The following FBXO10 variants were observed in gnomAD, a reference collection of about 807,000 sequenced individuals.
FBXO10 encodes the protein F-box protein 10.
In FBXO10, 39 loss-of-function variants were observed where a neutral mutation model predicts 80.7. The ratio of observed to expected loss-of-function variants is 0.48; its 90% confidence interval spans 0.37 to 0.63. FBXO10 has a LOEUF of 0.63. Among genes scored for constraint, FBXO10 ranks in the 30% least tolerant of loss-of-function variants. The pLI is 0.00. For missense variants in FBXO10, 1,025 were observed against 1,269.0 expected (o/e 0.81, Z 2.92); for synonymous variants, 449 against 489.6 (o/e 0.92, Z 1.09).
chr9:37,537,998 T>G (rs1821820026), intron 2 of FBXO10, 55 bp from the exon 3 acceptor site: 2 of 1,389,478 alleles, frequency 1.4e-6, no homozygotes, highest in Non-Finnish European at 2.0e-6. Flanking sequence ...GGTTTTGGAC[T>G]CTAGCTGCCC....
intron 10 of FBXO10, among the ~76,000 whole-genome samples, chr9:37,513,052 A>T (rs1378118362): frequency 6.6e-6 from 1 of 152,092 alleles, no homozygotes; most frequent in African/African-American, 2.4e-5. Context: ...TGCAGCCTCA[A>T]CCTCCTGGGC....
intron 5 of FBXO10, among the ~76,000 whole-genome samples, chr9:37,527,812 C>T (rs899899178): frequency 2.0e-5 from 3 of 152,182 alleles, no homozygotes; most frequent in African/African-American, 4.8e-5. Flanking sequence ...AATACACACT[C>T]TTCTGTTCAG....
intron 2 of FBXO10, 50 bp downstream of exon 2, chr9:37,541,134 A>T: frequency 2.0e-6 from 3 of 1,480,248 alleles, no homozygotes; most frequent in Non-Finnish European, 2.7e-6. Context: ...AAAGAGGGCA[A>T]GCCTCTGGGG....
intron 1 of FBXO10, among the ~76,000 whole-genome samples, chr9:37,560,209 A>C (rs1365369820): frequency 6.6e-6 from 1 of 152,220 alleles, no homozygotes; most frequent in African/African-American, 2.4e-5. Context: ...TGGAACAGTG[A>C]GGGCAGGAAC....
chr9:37,522,725 T>C, intron 7 of FBXO10, 100 bp downstream of exon 7: 4 of 1,386,992 alleles, frequency 2.9e-6, no homozygotes, highest in Non-Finnish European at 3.9e-6. Context: ...ATGAGGTCTT[T>C]GAGGCACAGG....
chr9:37,542,040 G>C (rs1202454851), intron 1 of FBXO10, among the ~76,000 whole-genome samples: 3 of 151,734 alleles, frequency 2.0e-5, no homozygotes, highest in Non-Finnish European at 4.4e-5. Context: ...TGTTGGTCAG[G>C]CTGGTCTCAA....
At chr9:37,538,885 G>C (rs1019286944) in intron 2 of FBXO10, among the ~76,000 whole-genome samples, 1 of 152,086 alleles carries the variant, frequency 6.6e-6, no homozygotes, top group Non-Finnish European at 1.5e-5. Flanking sequence ...TTATCATCTG[G>C]GGTCAGGGAC....
Position 37,546,970 on chromosome 9 carries a change from C to T in FBXO10, c.-6-5196G>A, listed in dbSNP as rs145087992. ...TGCTGGGATTACAGGCATGAGCCAC[C>T]GCACCTGGCCTTAGAATCACTTTAG... On this transcript the variant is annotated intron_variant, in intron 1 of 10. Coordinates refer to ENST00000432825, the MANE Select transcript of FBXO10 (RefSeq NM_012166.3). Among the ~76,000 whole-genome samples, 1,509 of 152,222 alleles carry T rather than the reference C, an allele frequency of 9.9e-3. 28 individuals are homozygous for T. Among genetic ancestry groups the T allele is most frequent in the African/African-American group, 0.034 (1,431 of 41,532 alleles).
In FBXO10 at chr9:37,532,014, G is replaced by A; in HGVS notation, c.1464C>T (p.Gly488=). Reference sequence around the variant, plus strand: ...CACCGCCCTCCAAGCGAAGAAAGATGCCTGACGCTCGGCAGCGGTAAATGT... The same window carrying A: ...CACCGCCCTCCAAGCGAAGAAAGATACCTGACGCTCGGCAGCGGTAAATGT... ...RNDIYRCRAS[G]IFLRLEGGGL... The change falls in exon 4 of 11, where the codon GGC becomes GGT. Residue 488 remains glycine (G), a synonymous_variant. Coordinates refer to ENST00000432825, the MANE Select transcript of FBXO10 (RefSeq NM_012166.3). 6.2e-7 allele frequency: 1 copy of A among 1,613,958 alleles called. No homozygotes were observed. The highest frequency in any genetic ancestry group is 8.5e-7 in the Non-Finnish European group (1 of 1,179,846).
chr9:37,522,229 CCTCT>C (rs1328697227), intron 7 of FBXO10: 1 of 558,392 alleles, frequency 1.8e-6, no homozygotes, highest in Non-Finnish European at 2.3e-6. Flanking sequence ...GGTTACCAGA[CCTCT>C]CTCTGTCCCT....
At position 37,512,737 on chromosome 9, in the gene FBXO10, G is replaced by A. The variant is rs10973387; in HGVS notation, c.2697-16C>T. ...CGTATCAGACCTGGAGGTGCAAAACGAAAGTCAGTGAACTTCTGAGGGGTG... is the reference window on the plus strand; with the variant it reads ...CGTATCAGACCTGGAGGTGCAAAACAAAAGTCAGTGAACTTCTGAGGGGTG... On this transcript the variant is annotated splice_polypyrimidine_tract_variant and intron_variant, in intron 10 of 10. Coordinates refer to ENST00000432825, the MANE Select transcript of FBXO10 (RefSeq NM_012166.3). The A allele has an allele frequency of 0.33, 524,455 of 1,607,458 alleles. 87,230 individuals are homozygous for A. Among genetic ancestry groups the A allele is most frequent in the Admixed American group, 0.41 (24,408 of 59,684 alleles).
Position 37,512,531 on chromosome 9 carries a change from A to C in FBXO10, c.*16T>G. 1 of 1,607,758 alleles carries C rather than the reference A, an allele frequency of 6.2e-7. No individual in the cohort carries two copies. Among genetic ancestry groups the C allele is most frequent in the Non-Finnish European group, 8.5e-7 (1 of 1,175,176 alleles). ...GAGCACCCATCCAGGCTTGGCCCTGAAGCAGGTCTGTGTCCTCACAGGATG... is the reference window on the plus strand; with the variant it reads ...GAGCACCCATCCAGGCTTGGCCCTGCAGCAGGTCTGTGTCCTCACAGGATG... On this transcript the variant is annotated 3_prime_UTR_variant, in exon 11 of 11. Transcript: ENST00000432825.
At chr9:37,568,801 A>C (rs1361527078) in intron 1 of FBXO10, among the ~76,000 whole-genome samples, 1 of 152,208 alleles carries the variant, frequency 6.6e-6, no homozygotes, top group Non-Finnish European at 1.5e-5. Flanking sequence ...AAGAGCAAGG[A>C]TATTCACCAC....
intron 1 of FBXO10, among the ~76,000 whole-genome samples, chr9:37,556,335 G>C (rs538139819): frequency 6.6e-6 from 1 of 151,418 alleles, no homozygotes; most frequent in South Asian, 2.1e-4. Context: ...AAGTTTTATA[G>C]TTTACACTGT....
intron 8 of FBXO10, among the ~76,000 whole-genome samples, chr9:37,521,300 C>T (rs1821339215): frequency 6.8e-6 from 1 of 147,724 alleles, no homozygotes; most frequent in Non-Finnish European, 1.5e-5. Context: ...CTCCCTGGCC[C>T]CCACGCTGTC....
chr9:37,542,412 A>G (rs1261359413), intron 1 of FBXO10, among the ~76,000 whole-genome samples: 1 of 151,624 alleles, frequency 6.6e-6, no homozygotes, highest in Admixed American at 6.6e-5. Flanking sequence ...CCTGACCAAC[A>G]TGGAGAAACC....
chr9:37,531,660 TG>T (rs1821626018), intron 4 of FBXO10, among the ~76,000 whole-genome samples: 1 of 152,136 alleles, frequency 6.6e-6, no homozygotes, highest in South Asian at 2.1e-4. Flanking sequence ...CTGAGGGCCC[TG>T]TGAGGTTTCC....
At chr9:37,546,124 C>A (rs1052330857) in intron 1 of FBXO10, among the ~76,000 whole-genome samples, 4 of 150,538 alleles carry the variant, frequency 2.7e-5, no homozygotes, top group African/African-American at 9.8e-5. Flanking sequence ...CCAGCCAGAA[C>A]AAGAGCAAAA....
At chr9:37,512,836 G>T in intron 10 of FBXO10, 115 bp from the exon 11 acceptor site, 2 of 1,090,362 alleles carry the variant, frequency 1.8e-6, no homozygotes, top group Non-Finnish European at 2.6e-6. Context: ...TTTAAATCTG[G>T]GTGTAGGTTT....
Sources: gnomAD v4.1 joint callset for allele counts (sites outside exome capture counted in the v4.1 genomes callset) on GRCh38, gnomAD v4.1.1 for gene constraint, MANE v1.5 for transcripts, NCBI Gene and HGNC (gene_info 2026-07-23, HGNC 2026-07-21) for gene names.